Variants in SLC15A2 observed in about 807,000 individuals in gnomAD.
SLC15A2 encodes kidney H(+)/peptide cotransporter.
Under a neutral mutation model 95.5 loss-of-function variants are expected in SLC15A2, and 77 were observed. That is an observed-to-expected ratio of 0.81 (90% CI 0.67 to 0.97). The LOEUF (loss-of-function observed/expected upper bound fraction) is 0.97, where lower values mean the gene tolerates loss of function less well. Among genes scored for constraint, SLC15A2 ranks in the 50% least tolerant of loss-of-function variants. The pLI is 0.00. For synonymous variants in SLC15A2, 306 were observed against 306.9 expected (o/e 1.00, Z 0.03); for missense variants, 893 against 874.4 (o/e 1.02, Z -0.27).
intron 13 of SLC15A2, among the ~76,000 whole-genome samples, chr3:121,926,039 T>A (rs1710115501): frequency 6.6e-6 from 1 of 151,870 alleles, no homozygotes; most frequent in Non-Finnish European, 1.5e-5. Flanking sequence ...AAATGTGGTG[T>A]ATCACAGAGA....
intron 14 of SLC15A2, 24 bp downstream of exon 14, chr3:121,927,863 C>T: frequency 6.5e-7 from 1 of 1,536,876 alleles, no homozygotes; most frequent in Non-Finnish European, 9.0e-7. Flanking sequence ...TTCTTAAGCT[C>T]TATGAGGGCA....
intron 11 of SLC15A2, among the ~76,000 whole-genome samples, chr3:121,923,606 A>G (rs1412403866): frequency 2.0e-5 from 3 of 152,234 alleles, no homozygotes; most frequent in Non-Finnish European, 2.9e-5. Flanking sequence ...GAGTGGCACT[A>G]CTACGCAATT....
chr3:121,919,289 C>T (rs1201107819), intron 7 of SLC15A2, among the ~76,000 whole-genome samples: 2 of 152,144 alleles, frequency 1.3e-5, no homozygotes, highest in African/African-American at 4.8e-5. Flanking sequence ...CCTTTCATTC[C>T]CATCACCCAC....
chr3:121,931,691 G>A lies in SLC15A2; in HGVS notation c.1717G>A (p.Gly573Ser). 6.2e-7 allele frequency: 1 copy of A among 1,613,562 alleles called. No homozygotes were observed. Among genetic ancestry groups the A allele is most frequent in the Non-Finnish European group, 8.5e-7 (1 of 1,179,656 alleles). Reference sequence around the variant, plus strand: ...AGATAAGAACTTTTCTCTGAATTTGGGTCTTCTAGACTTTGGTGCAGCATA... The same window carrying A: ...AGATAAGAACTTTTCTCTGAATTTGAGTCTTCTAGACTTTGGTGCAGCATA... Reference protein sequence around the residue: ...TEDKNFSLNLGLLDFGAAYLF... With the variant: ...TEDKNFSLNLSLLDFGAAYLF... Residue 573 changes from glycine (G) to serine (S), a missense_variant, in exon 19 of 22, where the codon GGT becomes AGT. Coordinates refer to ENST00000489711, the MANE Select transcript of SLC15A2 (RefSeq NM_021082.4).
At position 121,915,334 on chromosome 3, in the gene SLC15A2, G is replaced by C. The variant is rs1709871469; in HGVS notation, c.619+17G>C. On this transcript the variant is annotated intron_variant, in intron 6 of 21. Transcript: ENST00000489711. ...TGCTGAGAGGTTAGGATTTTTTTGA[G>C]GGGCCCTGTATAAGGCTTTGCTCTG... 5.9e-6 allele frequency: 9 copies of C among 1,534,292 alleles called. No homozygotes were observed. Among genetic ancestry groups the C allele is most frequent in the Non-Finnish European group, 7.2e-6 (8 of 1,107,732 alleles).
At chr3:121,928,920 G>C in intron 15 of SLC15A2, 62 bp from the exon 16 acceptor site, 1 of 1,554,568 alleles carries the variant, frequency 6.4e-7, no homozygotes, top group South Asian at 1.2e-5. Context: ...ATGCTACATC[G>C]TGATGTCCAA....
chr3:121,942,306 C>T lies in SLC15A2; in HGVS notation c.*1299C>T, dbSNP rs546696556. The T allele has an allele frequency of 2.0e-5, 3 of 152,198 alleles. No individual in the cohort carries two copies. The highest frequency in any genetic ancestry group is 6.5e-5 in the Admixed American group (1 of 15,278). The allele number at this position is 152,198 out of a possible 1,614,324, so 9.4% of individuals were successfully genotyped here. ...CAATGAATGAATCAGAGGACAGACA[C>T]GGGAATGGCACGACTGTGCAGTGTG... On this transcript the variant is annotated 3_prime_UTR_variant, in exon 22 of 22. Transcript: ENST00000489711.
At chr3:121,897,889 C>A (rs926516426) in intron 3 of SLC15A2, among the ~76,000 whole-genome samples, 1 of 152,240 alleles carries the variant, frequency 6.6e-6, no homozygotes, top group East Asian at 1.9e-4. Context: ...TAGCCAGGTG[C>A]GGTGGCTCAC....
chr3:121,922,332 T>A (rs1286967558), intron 8 of SLC15A2, 30 bp downstream of exon 8: 1 of 1,580,420 alleles, frequency 6.3e-7, no homozygotes, highest in East Asian at 2.2e-5. Context: ...TCTTGCCTTT[T>A]TCAATCAAAA....
chr3:121,938,654 C>A (rs1307216894), intron 19 of SLC15A2, among the ~76,000 whole-genome samples: 1 of 151,452 alleles, frequency 6.6e-6, no homozygotes, highest in Non-Finnish European at 1.5e-5. Flanking sequence ...CACTGACCTG[C>A]GCCCACTGTC....
At chr3:121,926,780 A>G (rs560582296) in intron 13 of SLC15A2, among the ~76,000 whole-genome samples, 1 of 152,344 alleles carries the variant, frequency 6.6e-6, no homozygotes, top group South Asian at 2.1e-4. Flanking sequence ...CTGGAAAACC[A>G]CGGGCACTCA....
chr3:121,928,760 T>C (rs1219959548), intron 15 of SLC15A2, among the ~76,000 whole-genome samples: 1 of 152,218 alleles, frequency 6.6e-6, no homozygotes, highest in East Asian at 1.9e-4. Flanking sequence ...TTTTTATTAT[T>C]ATACATAATC....
In SLC15A2 at chr3:121,943,106, A is replaced by C. The variant is rs1159986049; in HGVS notation, c.*2099A>C. ...CATGGTGAAACCGTGTCTCTACTAAAAGTACAAAAATTAGCCAGGTGTGAT... is the reference window on the plus strand; with the variant it reads ...CATGGTGAAACCGTGTCTCTACTAACAGTACAAAAATTAGCCAGGTGTGAT... On this transcript the variant is annotated 3_prime_UTR_variant, in exon 22 of 22. Coordinates refer to ENST00000489711, the MANE Select transcript of SLC15A2 (RefSeq NM_021082.4). 6.6e-6 allele frequency: 1 copy of C among 152,080 alleles called. No homozygotes were observed. The highest frequency in any genetic ancestry group is 1.5e-5 in the Non-Finnish European group (1 of 68,030). The allele number at this position is 152,080 out of a possible 1,614,324, so 9.4% of individuals were successfully genotyped here.
chr3:121,930,891 C>T lies in SLC15A2; in HGVS notation c.1605C>T (p.Thr535=), dbSNP rs763920245. 5.6e-6 allele frequency: 9 copies of T among 1,613,494 alleles called. No individual in the cohort carries two copies. Among genetic ancestry groups the T allele is most frequent in the Non-Finnish European group, 7.6e-6 (9 of 1,179,618 alleles). ...KDVNISLSTD[T]SLNVGEDYGV... Reference sequence around the variant, plus strand: ...TCAACATCTCCCTGAGTACAGATACCTCTCTCAATGTTGGTGAAGACTATG... The same window carrying T: ...TCAACATCTCCCTGAGTACAGATACTTCTCTCAATGTTGGTGAAGACTATG... The change falls in exon 18 of 22, where the codon ACC becomes ACT. Residue 535 remains threonine (T), a synonymous_variant. Coordinates refer to ENST00000489711, the MANE Select transcript of SLC15A2 (RefSeq NM_021082.4).
In SLC15A2 at chr3:121,901,095, T is replaced by A. The variant is rs144276698; in HGVS notation, c.335+3566T>A. Reference sequence around the variant, plus strand: ...GTGCAGTGATGCAATCTCGGCTCACTGCAACCTCTGCCTCCCAGGTCCAAG... The same window carrying A: ...GTGCAGTGATGCAATCTCGGCTCACAGCAACCTCTGCCTCCCAGGTCCAAG... On this transcript the variant is annotated intron_variant, in intron 3 of 21. Transcript: ENST00000489711. Among the ~76,000 whole-genome samples, 1,093 of 152,182 alleles carry A rather than the reference T, an allele frequency of 7.2e-3. 14 individuals carry two copies. Among genetic ancestry groups the A allele is most frequent in the African/African-American group, 0.025 (1,042 of 41,532 alleles).
intron 4 of SLC15A2, 74 bp from the exon 5 acceptor site, chr3:121,912,947 C>A: frequency 9.6e-7 from 1 of 1,037,530 alleles, no homozygotes; most frequent in Non-Finnish European, 1.5e-6. Context: ...TTTTTCCCCT[C>A]TGCAGCTCTG....
chr3:121,896,675 G>A (rs1435601416), intron 2 of SLC15A2, among the ~76,000 whole-genome samples, 182 bp downstream of exon 2: 1 of 152,002 alleles, frequency 6.6e-6, no homozygotes. Flanking sequence ...CACCTAATAT[G>A]TAGGCCAAGA....
intron 13 of SLC15A2, among the ~76,000 whole-genome samples, chr3:121,926,940 A>G (rs1710134289): frequency 6.6e-6 from 1 of 152,232 alleles, no homozygotes; most frequent in Non-Finnish European, 1.5e-5. Context: ...TTAAGATTTA[A>G]TAACTGCCCT....
intron 3 of SLC15A2, among the ~76,000 whole-genome samples, chr3:121,908,122 G>A (rs566752570): frequency 2.4e-4 from 37 of 152,320 alleles, no homozygotes; most frequent in African/African-American, 5.1e-4. Context: ...CTGCTGCCTC[G>A]TGGGTCGATC....
Sources: allele counts gnomAD v4.1 joint callset (sites outside exome capture counted in the v4.1 genomes callset), GRCh38; gene constraint gnomAD v4.1.1; transcripts MANE v1.5; gene names NCBI Gene and HGNC (gene_info 2026-07-23, HGNC 2026-07-21).